The following PPFIA1 variants were observed in gnomAD, a reference collection of about 807,000 sequenced individuals.
PPFIA1 encodes PPFI scaffold protein A1, also known as liprin-alpha-1.
Under a neutral mutation model 149.9 loss-of-function variants are expected in PPFIA1, and 25 were observed. The ratio of observed to expected loss-of-function variants is 0.17; its 90% CI spans 0.12 to 0.23. The LOEUF (loss-of-function observed/expected upper bound fraction) is 0.23. Among genes scored for constraint, PPFIA1 ranks in the 10% least tolerant of loss-of-function variants. PPFIA1 has a pLI of 1.00. For missense variants in PPFIA1, 1,362 were observed against 1,506.5 expected (o/e 0.90, Z 1.59); for synonymous variants, 549 against 552.8 (o/e 0.99, Z 0.10).
At chr11:70,326,404 T>G in intron 6 of PPFIA1, 41 bp downstream of exon 6, 1 of 1,502,974 alleles carries the variant, frequency 6.7e-7, no homozygotes, top group Non-Finnish European at 9.2e-7. Context: ...TTGATTTCAT[T>G]TGTTCACAGT....
rs553473402 is a variant in PPFIA1 at position 70,354,040 on chromosome 11, A to G, written c.2164-261A>G. On this transcript the variant is annotated intron_variant, in intron 16 of 27. Coordinates refer to ENST00000253925, the MANE Select transcript of PPFIA1 (RefSeq NM_003626.5). ...CGGGGAGGGCAGAACCTTGGGCTGC[A>G]TGGAGGAGGCTGAGGATGAGGGGCA... Among the ~76,000 whole-genome samples, 35 of 152,248 alleles carry G rather than the reference A, an allele frequency of 2.3e-4. No homozygotes were observed. The South Asian group carries it at 6.8e-3, about 30-fold the overall frequency.
chr11:70,302,005 C>T (rs2136359824), intron 2 of PPFIA1, among the ~76,000 whole-genome samples: 1 of 152,346 alleles, frequency 6.6e-6, no homozygotes, highest in South Asian at 2.1e-4. Flanking sequence ...TGGGCACAGC[C>T]TTTCAGCTGG....
intron 26 of PPFIA1, among the ~76,000 whole-genome samples, chr11:70,379,074 C>T (rs961248950): frequency 6.6e-6 from 1 of 152,098 alleles, no homozygotes; most frequent in African/African-American, 2.4e-5. Context: ...AGAGTAGTTG[C>T]GATGATTGAA....
chr11:70,318,710 C>G lies in PPFIA1; in HGVS notation c.265-5692C>G, dbSNP rs1245162548. Among the ~76,000 whole-genome samples the G allele has an allele frequency of 3.3e-5, 5 of 152,266 alleles. No homozygotes were observed. In the East Asian group the frequency reaches 7.7e-4, roughly 23 times the overall value. The stretch of plus-strand genomic sequence containing the variant: ...CCACTGCAGCATGCTGCAGATGTCA[C>G]AGTCACCATCGATCTCCATTCCAGC... On this transcript the variant is annotated intron_variant, in intron 2 of 27. Transcript: ENST00000253925.
chr11:70,277,515 G>C (rs1392237667), intron 2 of PPFIA1, among the ~76,000 whole-genome samples: 1 of 150,348 alleles, frequency 6.7e-6, no homozygotes, highest in Non-Finnish European at 1.5e-5. Context: ...TTTTGAGACA[G>C]AGTCTCGCTC....
chr11:70,329,226 T>G (rs2054510361), intron 7 of PPFIA1, among the ~76,000 whole-genome samples: 1 of 152,198 alleles, frequency 6.6e-6, no homozygotes, highest in Admixed American at 6.5e-5. Context: ...GAGGACACTT[T>G]CACCTCCTTG....
intron 19 of PPFIA1, among the ~76,000 whole-genome samples, chr11:70,356,532 C>G (rs1345190030): frequency 6.6e-6 from 1 of 152,152 alleles, no homozygotes; most frequent in Non-Finnish European, 1.5e-5. Context: ...TGGAGTCGGC[C>G]CTGGCGCCTG....
At chr11:70,342,650 A>G (rs2055405596) in intron 14 of PPFIA1, among the ~76,000 whole-genome samples, 1 of 152,286 alleles carries the variant, frequency 6.6e-6, no homozygotes, top group Admixed American at 6.5e-5. Flanking sequence ...GTTAGAGGGA[A>G]CTTGAAAACA....
chr11:70,309,137 C>CA (rs1455984729), intron 2 of PPFIA1, among the ~76,000 whole-genome samples: 1 of 151,440 alleles, frequency 6.6e-6, no homozygotes, highest in Non-Finnish European at 1.5e-5. Flanking sequence ...TATACATTCT[C>CA]AGTAATATTT....
In PPFIA1 at chr11:70,348,423, ACGTATC is replaced by A; in HGVS notation, c.2163+6_2163+11del. ...ACAGACTGGGCGTCATGACCCTTGTACGTATCCGCCCTTTCCCTGCTGTGGCTGCCC... is the reference window on the plus strand; with the variant it reads ...ACAGACTGGGCGTCATGACCCTTGTACGCCCTTTCCCTGCTGTGGCTGCCC... On this transcript the variant is annotated splice_donor_5th_base_variant and intron_variant, in intron 16 of 27. Transcript: ENST00000253925. 1 of 1,593,756 alleles carries A rather than the reference ACGTATC, an allele frequency of 6.3e-7. No individual in the cohort carries two copies. Among genetic ancestry groups the A allele is most frequent in the Non-Finnish European group, 8.6e-7 (1 of 1,161,658 alleles).
chr11:70,382,028 A>G (rs1279734963), intron 26 of PPFIA1, 60 bp from the exon 27 acceptor site: 1 of 1,461,980 alleles, frequency 6.8e-7, no homozygotes, highest in Non-Finnish European at 9.6e-7. Context: ...CCCTCATGTG[A>G]TGTTCTAAGA....
intron 2 of PPFIA1, among the ~76,000 whole-genome samples, chr11:70,315,241 A>G (rs2053532965): frequency 6.6e-6 from 1 of 152,238 alleles, no homozygotes; most frequent in African/African-American, 2.4e-5. Context: ...TACTTCAGTC[A>G]CAGTGGCTTT....
chr11:70,345,906 T>C (rs1005599322), intron 15 of PPFIA1: 2 of 354,136 alleles, frequency 5.6e-6, no homozygotes, highest in Non-Finnish European at 1.2e-5. Context: ...CGTCACACAG[T>C]GGCCTGGTAC....
rs764113970 is a variant in PPFIA1, at chr11:70,362,529, A to T, written c.2865+41A>T. On this transcript the variant is annotated intron_variant, in intron 21 of 27. Transcript: ENST00000253925. Reference sequence around the variant, plus strand: ...ACCCCTGCATTCTTTGGAAACAGGGAATGCCTCTCTGAAGGTATCACTGCC... The same window carrying T: ...ACCCCTGCATTCTTTGGAAACAGGGTATGCCTCTCTGAAGGTATCACTGCC... 5 of 1,533,436 alleles carry T rather than the reference A, an allele frequency of 3.3e-6. No homozygotes were observed. The Admixed American group carries it at 7.8e-5, about 24-fold the overall frequency. The allele number at this position is 1,533,436 out of a possible 1,614,324, so 95.0% of individuals were successfully genotyped here.
intron 12 of PPFIA1, 95 bp downstream of exon 12, chr11:70,337,522 TG>T: frequency 1.1e-6 from 1 of 922,336 alleles, no homozygotes; most frequent in Non-Finnish European, 1.6e-6. Context: ...GAGAGCAGCT[TG>T]GTTTGTGGCT....
chr11:70,313,364 G>A (rs995650822), intron 2 of PPFIA1, among the ~76,000 whole-genome samples: 2 of 152,180 alleles, frequency 1.3e-5, no homozygotes, highest in Non-Finnish European at 2.9e-5. Flanking sequence ...TGACCTTAAG[G>A]GCAATGGGAA....
chr11:70,378,256 A>G (rs1004306777), intron 26 of PPFIA1, 61 bp downstream of exon 26: 5 of 1,559,622 alleles, frequency 3.2e-6, no homozygotes, highest in Admixed American at 1.9e-5. Flanking sequence ...TTCTGTCTGG[A>G]ACATTAATAA....
rs2057424617 is a variant in PPFIA1 at position 70,375,018 on chromosome 11, A to C, written c.3240A>C (p.Ala1080=). ...TTATAGAGAGTGGTGTTCACGGAGC[A>C]CTTCTGGCCTTAGATGAAACCTTCG... ...NNLIESGVHG[A]LLALDETFDF... Residue 1080 remains alanine, a synonymous_variant, in exon 24 of 28, where the codon GCA becomes GCC. Coordinates refer to ENST00000253925, the MANE Select transcript of PPFIA1 (RefSeq NM_003626.5). The C allele has an allele frequency of 6.2e-7, 1 of 1,613,892 alleles. No individual in the cohort carries two copies.
rs137873718 is a variant in PPFIA1, at chr11:70,272,181, C to T, written c.9C>T (p.Cys3=). 1.5e-4 allele frequency: 249 copies of T among 1,613,104 alleles called. No individual in the cohort carries two copies. Among genetic ancestry groups the T allele is most frequent in the Middle Eastern group, 5.4e-4 (3 of 5,510 alleles). The stretch of plus-strand genomic sequence containing the variant: ...GGGTCTTTCATTTCAAGATGATGTG[C>T]GAGGTGATGCCGACCATCAGCGAAG... The part of the protein sequence containing the change: MM[C]EVMPTISEAE... Residue 3 remains cysteine (C), a synonymous_variant, in exon 2 of 28, where the codon TGC becomes TGT. Transcript: ENST00000253925.
Sources: allele counts gnomAD v4.1 joint callset (sites outside exome capture counted in the v4.1 genomes callset), GRCh38; gene constraint gnomAD v4.1.1; transcripts MANE v1.5; gene names NCBI Gene and HGNC (gene_info 2026-07-23, HGNC 2026-07-21).